Variants in DLC1 observed in about 807,000 individuals in gnomAD.
The protein encoded by DLC1 is rho GTPase-activating protein 7.
DLC1 carries 54 observed loss-of-function variants against 140.3 expected under a neutral mutation model. The ratio of observed to expected loss-of-function variants is 0.38; its 90% confidence interval spans 0.31 to 0.48. The LOEUF (loss-of-function observed/expected upper bound fraction) is 0.48. DLC1 is among the 20% of genes least tolerant of loss of function. DLC1 has a pLI of 0.96. For missense variants in DLC1, 2,536 were observed against 1,907.0 expected, an observed-to-expected ratio of 1.33 and a Z score of -6.14; for synonymous variants, 986 against 728.1, an observed-to-expected ratio of 1.35 and a Z score of -5.70.
At chr8:13,391,379 A>G (rs1384308124) in intron 4 of DLC1, among the ~76,000 whole-genome samples, 1 of 152,212 alleles carries the variant, frequency 6.6e-6, no homozygotes, top group African/African-American at 2.4e-5. Context: ...TACTACTCGC[A>G]TCCAATTTGC....
In DLC1 at chr8:13,220,733, C is replaced by T. The variant is rs547292051; in HGVS notation, c.1348+84536G>A. Among the ~76,000 whole-genome samples the T allele has an allele frequency of 1.2e-4, 18 of 152,270 alleles. No individual in the cohort carries two copies. The South Asian group carries it at 3.7e-3, about 32-fold the overall frequency. ...ATTTTTTCTATATCCAAAGTAAATC[C>T]ATACATCATTACTTTAGGAACTAAA... is the stretch of plus-strand genomic sequence containing the variant. On this transcript the variant is annotated intron_variant, in intron 5 of 17. Coordinates refer to ENST00000276297, the MANE Select transcript of DLC1 (RefSeq NM_182643.3).
intron 5 of DLC1, among the ~76,000 whole-genome samples, chr8:13,287,330 T>G (rs1831567062): frequency 6.6e-6 from 1 of 152,254 alleles, no homozygotes; most frequent in Non-Finnish European, 1.5e-5. Context: ...TTATGTTTGT[T>G]GAATCTAACG....
chr8:13,088,514 T>A lies in DLC1; in HGVS notation c.4265A>T (p.His1422Leu). The part of the protein sequence containing the change: ...YQYVQNSMAP[H>L]PARDYVVLRT... ...TAAAACAACGTAGTCTCGAGCAGGA[T>A]GAGGTGCCATACTGTTTTGGACATA... is the stretch of plus-strand genomic sequence containing the variant. The change falls in exon 16 of 18, where the codon CAT becomes CTT. Residue 1422 changes from histidine (H) to leucine (L), a missense_variant. Physicochemically the swap from His to Leu is moderately conservative, Grantham distance 99. Coordinates refer to ENST00000276297, the MANE Select transcript of DLC1 (RefSeq NM_182643.3). 1 of 1,614,054 alleles carries A rather than the reference T, an allele frequency of 6.2e-7. No individual in the cohort carries two copies. The highest frequency in any genetic ancestry group is 8.5e-7 in the Non-Finnish European group (1 of 1,179,898).
intron 5 of DLC1, among the ~76,000 whole-genome samples, chr8:13,133,637 CA>C (rs1393297878): frequency 6.6e-6 from 1 of 151,628 alleles, no homozygotes; most frequent in African/African-American, 2.4e-5. Flanking sequence ...GAAAAGTCGC[CA>C]ACTATTGGCC....
intron 5 of DLC1, among the ~76,000 whole-genome samples, chr8:13,183,867 T>C (rs1186049847): frequency 1.3e-5 from 2 of 152,176 alleles, no homozygotes; most frequent in African/African-American, 4.8e-5. Context: ...TTTCTATCGA[T>C]TGGAATAGTT....
Position 13,112,138 on chromosome 8 carries a change from GA to G in DLC1, c.1421-1316del, listed in dbSNP as rs201560640. Among the ~76,000 whole-genome samples, 1,475 of 152,118 alleles carry G rather than the reference GA, an allele frequency of 9.7e-3. 30 individuals carry two copies. The highest frequency in any genetic ancestry group is 0.034 in the African/African-American group (1,408 of 41,474). Reference sequence around the variant, plus strand: ...TGCACTTCAGCCTGGATGACAGAGTGAGACCCTATCTGAAAAAAATAAATAA... The same window carrying G: ...TGCACTTCAGCCTGGATGACAGAGTGGACCCTATCTGAAAAAAATAAATAA... On this transcript the variant is annotated intron_variant, in intron 6 of 17. Coordinates refer to ENST00000276297, the MANE Select transcript of DLC1 (RefSeq NM_182643.3).
At chr8:13,290,303 A>T (rs1033651095) in intron 5 of DLC1, among the ~76,000 whole-genome samples, 4 of 152,166 alleles carry the variant, frequency 2.6e-5, no homozygotes, top group Non-Finnish European at 5.9e-5. Flanking sequence ...TGTTCATAAC[A>T]AGTCCCTGGA....
intron 4 of DLC1, among the ~76,000 whole-genome samples, chr8:13,325,276 T>G (rs1833291162): frequency 6.6e-6 from 1 of 152,230 alleles, no homozygotes; most frequent in Non-Finnish European, 1.5e-5. Context: ...CTTTTGGTTT[T>G]CAGAACAGAG....
At chr8:13,544,888 A>C (rs1803603460) in intron 1 of DLC1, among the ~76,000 whole-genome samples, 2 of 152,166 alleles carry the variant, frequency 1.3e-5, no homozygotes, top group South Asian at 2.1e-4. Context: ...AATTTGATCT[A>C]TCCGTGAACA....
rs185041255 is a variant in DLC1 at position 13,409,128 on chromosome 8, C to T, written c.1024-7509G>A. On this transcript the variant is annotated intron_variant, in intron 2 of 17. Coordinates refer to ENST00000276297, the MANE Select transcript of DLC1 (RefSeq NM_182643.3). ...CGAATGTCAATCATCCTGAGTCCAA[C>T]AACTATATTTTCCTTAATATTTGTA... Among the ~76,000 whole-genome samples the T allele has an allele frequency of 2.5e-3, 387 of 152,200 alleles. 4 individuals are homozygous for T. Among genetic ancestry groups the T allele is most frequent in the African/African-American group, 8.6e-3 (359 of 41,542 alleles).
chr8:13,382,199 T>A (rs1836293736), intron 4 of DLC1, among the ~76,000 whole-genome samples: 1 of 152,096 alleles, frequency 6.6e-6, no homozygotes, highest in Non-Finnish European at 1.5e-5. Flanking sequence ...TCTGACTTCT[T>A]ATTACGTATA....
At chr8:13,598,743 G>T (rs1805765645) in intron 1 of DLC1, among the ~76,000 whole-genome samples, 1 of 151,590 alleles carries the variant, frequency 6.6e-6, no homozygotes, top group Non-Finnish European at 1.5e-5. Context: ...ATCAATTTAT[G>T]CATTGGCCTT....
intron 1 of DLC1, among the ~76,000 whole-genome samples, chr8:13,575,864 A>G (rs2117426777): frequency 6.6e-6 from 1 of 152,336 alleles, no homozygotes; most frequent in African/African-American, 2.4e-5. Context: ...AAGGCTTTGT[A>G]TTGTGGCTTT....
intron 4 of DLC1, among the ~76,000 whole-genome samples, chr8:13,353,108 G>C (rs962693611): frequency 6.6e-6 from 1 of 152,102 alleles, no homozygotes; most frequent in Non-Finnish European, 1.5e-5. Flanking sequence ...TAACCTGAAA[G>C]GTGGCTGAAA....
intron 5 of DLC1, among the ~76,000 whole-genome samples, chr8:13,150,049 C>T (rs1331093259): frequency 1.3e-5 from 2 of 152,160 alleles, no homozygotes; most frequent in Non-Finnish European, 2.9e-5. Flanking sequence ...TTGTATTGCC[C>T]ATAAAACCGA....
chr8:13,132,568 A>G (rs1822198756), intron 5 of DLC1, among the ~76,000 whole-genome samples: 1 of 152,172 alleles, frequency 6.6e-6, no homozygotes, highest in Admixed American at 6.5e-5. Flanking sequence ...CCCAGAGGAA[A>G]GGAAGGTAGA....
intron 4 of DLC1, among the ~76,000 whole-genome samples, chr8:13,383,361 G>C (rs559798305): frequency 1.3e-5 from 2 of 152,272 alleles, no homozygotes; most frequent in South Asian, 4.1e-4. Context: ...GGGTGAGTTT[G>C]CATATGTTCA....
At chr8:13,300,133 G>T (rs138665184) in intron 5 of DLC1, among the ~76,000 whole-genome samples, 1 of 152,192 alleles carries the variant, frequency 6.6e-6, no homozygotes, top group African/African-American at 2.4e-5. Context: ...TTCTTTGCAG[G>T]GACATGGATG....
intron 2 of DLC1, among the ~76,000 whole-genome samples, chr8:13,442,241 C>G (rs1448217935): frequency 3.3e-5 from 5 of 152,058 alleles, no homozygotes; most frequent in African/African-American, 1.2e-4. Flanking sequence ...GACCTAAAAC[C>G]CTAAAAACCC....
Sources: allele counts gnomAD v4.1 joint callset (sites outside exome capture counted in the v4.1 genomes callset), GRCh38; gene constraint gnomAD v4.1.1; transcripts MANE v1.5; gene names NCBI Gene and HGNC (gene_info 2026-07-23, HGNC 2026-07-21).